NAV3: variants seen among roughly 807,000 people sequenced by gnomAD.
NAV3 encodes the protein pore membrane and/or filament interacting like protein 1.
A neutral mutation model predicts 244.7 loss-of-function variants in NAV3; 87 were observed. The ratio of observed to expected loss-of-function variants is 0.36; its 90% CI spans 0.30 to 0.42. NAV3 has a LOEUF of 0.42. Ranked by LOEUF, NAV3 falls within the 20% of genes least tolerant of loss-of-function variation. The probability of loss-of-function intolerance (pLI) is 1.00; values close to 1 mark genes in which losing one functional copy is unlikely to be tolerated. For synonymous variants in NAV3, 1,126 were observed against 1,042.2 expected (o/e 1.08, Z -1.55); for missense variants, 2,663 against 2,893.3 (o/e 0.92, Z 1.83).
chr12:77,572,174 GA>G (rs1868858767), exon 2 of NAV3: 1 of 154,212 alleles, frequency 6.5e-6, no homozygotes, highest in South Asian at 2.1e-4. Flanking sequence ...ATTCCATTTT[GA>G]AGGGCAAGAA....
chr12:77,846,205 A>G (rs1269882729), intron 1 of NAV3, among the ~76,000 whole-genome samples: 2 of 152,318 alleles, frequency 1.3e-5, no homozygotes, highest in African/African-American at 4.8e-5. Context: ...CTCCTCCATT[A>G]AAATCTATTA....
chr12:77,849,573 T>C (rs1388072759), intron 1 of NAV3, among the ~76,000 whole-genome samples: 1 of 152,176 alleles, frequency 6.6e-6, no homozygotes, highest in Admixed American at 6.5e-5. Context: ...AAAAATTACC[T>C]TTAGGCTAAA....
intron 2 of NAV3, among the ~76,000 whole-genome samples, chr12:77,759,764 T>TG (rs1193375867): frequency 2.4e-5 from 1 of 41,900 alleles, no homozygotes; most frequent in Non-Finnish European, 5.1e-5. Flanking sequence ...CTGATTTTTA[T>TG]TTTTTTTTAA....
intron 12 of NAV3, among the ~76,000 whole-genome samples, chr12:78,098,048 C>T (rs1418544216): frequency 2.0e-5 from 3 of 152,072 alleles, no homozygotes; most frequent in Non-Finnish European, 4.4e-5. Flanking sequence ...TGTACATTCT[C>T]AAAAGTGAAG....
intron 22 of NAV3, among the ~76,000 whole-genome samples, chr12:78,155,013 TA>T (rs1343994445): frequency 2.6e-5 from 4 of 151,182 alleles, no homozygotes; most frequent in African/African-American, 9.8e-5. Context: ...TTTAAGACAA[TA>T]TTTTTTTTCT....
Position 78,119,893 on chromosome 12 carries a change from C to T in NAV3, c.3697C>T (p.Leu1233Phe), listed in dbSNP as rs2138638713. The change falls in exon 15 of 40, where the codon CTC becomes TTC. Residue 1233 changes from leucine to phenylalanine, a missense_variant. Around this residue, in one of 6 missense-constraint regions of NAV3, gnomAD observed 1,521 missense variants for 1,497.0 expected, o/e 1.02. Coordinates refer to ENST00000397909, the MANE Select transcript of NAV3 (RefSeq NM_001024383.2). ...TSASACGAQGLRQPGSKYPDI... is the reference protein window; with the variant it reads ...TSASACGAQGFRQPGSKYPDI... ...TGCCAGCGCCTGTGGTGCACAAGGTCTCAGGCAGCCAGGATCCAAGTATCC... is the reference window on the plus strand; with the variant it reads ...TGCCAGCGCCTGTGGTGCACAAGGTTTCAGGCAGCCAGGATCCAAGTATCC... The T allele has an allele frequency of 6.2e-7, 1 of 1,614,120 alleles. No homozygotes were observed. Among genetic ancestry groups the T allele is most frequent in the Non-Finnish European group, 8.5e-7 (1 of 1,180,014 alleles).
At chr12:78,099,030 T>G (rs969861721) in intron 12 of NAV3, among the ~76,000 whole-genome samples, 2 of 151,558 alleles carry the variant, frequency 1.3e-5, no homozygotes, top group Admixed American at 6.6e-5. Context: ...CTTCAGTTAT[T>G]AAGTTGCATC....
chr12:77,992,127 C>G (rs1331426356), intron 5 of NAV3, among the ~76,000 whole-genome samples: 1 of 152,020 alleles, frequency 6.6e-6, no homozygotes, highest in Non-Finnish European at 1.5e-5. Context: ...TGTCTTTGAC[C>G]TTTGCTTCCT....
At chr12:77,732,140 T>C in intron 2 of NAV3, among the ~76,000 whole-genome samples, 1 of 152,030 alleles carries the variant, frequency 6.6e-6, no homozygotes, top group East Asian at 1.9e-4. Context: ...TCATCAAGGA[T>C]TCCTAGTGCC....
chr12:77,772,460 T>TA (rs774058055), intron 2 of NAV3, among the ~76,000 whole-genome samples: 7 of 152,132 alleles, frequency 4.6e-5, no homozygotes, highest in African/African-American at 1.7e-4. Flanking sequence ...TTTATAAGGA[T>TA]AAAAAATTCA....
intron 1 of NAV3, among the ~76,000 whole-genome samples, chr12:77,879,685 CAAAAAAAAAAA>C (rs72076222): frequency 3.5e-5 from 3 of 85,094 alleles, no homozygotes; most frequent in African/African-American, 4.4e-5. Context: ...AACTCCATCT[CAAAAAAAAAAA>C]AAAAAAAAAA....
At chr12:77,733,191 CAG>C (rs1221423149) in intron 2 of NAV3, among the ~76,000 whole-genome samples, 1 of 151,594 alleles carries the variant, frequency 6.6e-6, no homozygotes, top group African/African-American at 2.4e-5. Flanking sequence ...CTAGTAGGCA[CAG>C]AGAGGAGGGA....
chr12:77,957,416 C>A (rs1435349836), intron 3 of NAV3, among the ~76,000 whole-genome samples: 1 of 152,008 alleles, frequency 6.6e-6, no homozygotes, highest in Admixed American at 6.6e-5. Flanking sequence ...TATTTAGTAC[C>A]AAACTGTAAT....
intron 2 of NAV3, among the ~76,000 whole-genome samples, chr12:77,609,321 T>G (rs1463985269): frequency 6.6e-6 from 1 of 152,042 alleles, no homozygotes; most frequent in Non-Finnish European, 1.5e-5. Context: ...CCATTTAAGC[T>G]CCTACAACTC....
At chr12:77,732,036 A>G (rs1877148283) in intron 2 of NAV3, among the ~76,000 whole-genome samples, 1 of 151,934 alleles carries the variant, frequency 6.6e-6, no homozygotes, top group African/African-American at 2.4e-5. Context: ...AAATAAGGCA[A>G]AAACAAAACA....
intron 2 of NAV3, among the ~76,000 whole-genome samples, chr12:77,735,513 T>C (rs2137363972): frequency 6.6e-6 from 1 of 152,266 alleles, no homozygotes; most frequent in Admixed American, 6.5e-5. Flanking sequence ...AGTTACTCCC[T>C]GACAGGAGCA....
chr12:77,734,559 G>A (rs779503342), intron 2 of NAV3, among the ~76,000 whole-genome samples: 7 of 152,092 alleles, frequency 4.6e-5, no homozygotes, highest in Non-Finnish European at 8.8e-5. Flanking sequence ...TTAAAGATGC[G>A]TATTTTGTTG....
At chr12:77,662,555 G>C (rs149565530) in intron 2 of NAV3, among the ~76,000 whole-genome samples, 72 of 152,126 alleles carry the variant, frequency 4.7e-4, no homozygotes, top group Middle Eastern at 3.4e-3. Context: ...ATGCTACTGG[G>C]AAACAGATAC....
chr12:78,011,980 G>A (rs942431651), intron 8 of NAV3, among the ~76,000 whole-genome samples: 7 of 152,012 alleles, frequency 4.6e-5, no homozygotes, highest in African/African-American at 1.7e-4. Flanking sequence ...AGAACAGCAT[G>A]GGGGAAACTG....
Sources: allele counts gnomAD v4.1 joint callset (sites outside exome capture counted in the v4.1 genomes callset), GRCh38; gene constraint gnomAD v4.1.1; regional missense constraint gnomAD v4.1.1; transcripts MANE v1.5; gene names NCBI Gene and HGNC (gene_info 2026-07-23, HGNC 2026-07-21).